Variants in MED15 observed in about 807,000 individuals in gnomAD.
MED15 encodes mediator of RNA polymerase II transcription subunit 15.
MED15 carries 41 observed loss-of-function variants against 118.7 expected under a neutral mutation model. The observed-to-expected ratio is 0.35, with a 90% CI of 0.27 to 0.45. MED15 has a LOEUF of 0.45. Among genes scored for constraint, MED15 ranks in the 20% least tolerant of loss-of-function variants. The probability of loss-of-function intolerance (pLI) is 1.00; values close to 1 mark genes in which losing one functional copy is unlikely to be tolerated. For missense variants in MED15, 740 were observed against 1,025.5 expected, an observed-to-expected ratio of 0.72 and a Z score of 3.80; for synonymous variants, 436 against 413.9, an observed-to-expected ratio of 1.05 and a Z score of -0.65.
intron 2 of MED15, among the ~76,000 whole-genome samples, chr22:20,546,430 T>G (rs1256914348): frequency 6.6e-6 from 1 of 152,106 alleles, no homozygotes; most frequent in Non-Finnish European, 1.5e-5. Flanking sequence ...CCTATTATCT[T>G]TCCGATGGTT....
chr22:20,513,897 T>G (rs536848127), intron 1 of MED15, among the ~76,000 whole-genome samples: 1 of 152,254 alleles, frequency 6.6e-6, no homozygotes, highest in Admixed American at 6.5e-5. Flanking sequence ...AGAATCTTGC[T>G]CTCTCCTCCA....
At chr22:20,511,432 C>T (rs1052903657) in intron 1 of MED15, among the ~76,000 whole-genome samples, 16 of 151,096 alleles carry the variant, frequency 1.1e-4, no homozygotes, top group African/African-American at 3.9e-4. Flanking sequence ...GTCGAGGCTG[C>T]AGTGAGCTAC....
intron 9 of MED15, among the ~76,000 whole-genome samples, chr22:20,575,581 C>T (rs1312793033): frequency 6.6e-6 from 1 of 151,918 alleles, no homozygotes; most frequent in Non-Finnish European, 1.5e-5. Context: ...TTTAAATTGA[C>T]TAAAATTAGG....
At chr22:20,537,066 G>A (rs555936126) in intron 1 of MED15, 51 bp from the exon 2 acceptor site, 1 of 1,553,382 alleles carries the variant, frequency 6.4e-7, no homozygotes, top group Non-Finnish European at 8.8e-7. Context: ...GGGCCCTGCA[G>A]CGGTGGAGTC....
intron 1 of MED15, chr22:20,523,965 G>C: frequency 2.3e-6 from 1 of 430,158 alleles, no homozygotes; most frequent in African/African-American, 2.2e-5. Context: ...GAAGTCTCCT[G>C]TATTGGTATG....
At chr22:20,572,587 G>T (rs1016637161) in intron 8 of MED15, among the ~76,000 whole-genome samples, 1 of 152,216 alleles carries the variant, frequency 6.6e-6, no homozygotes, top group Admixed American at 6.5e-5. Context: ...CCCACAAGGG[G>T]ATTTAGCAGG....
At chr22:20,576,966 G>A (rs1316421462) in intron 9 of MED15, among the ~76,000 whole-genome samples, 2 of 152,200 alleles carry the variant, frequency 1.3e-5, no homozygotes, top group African/African-American at 4.8e-5. Flanking sequence ...GCAGCATGTA[G>A]GACTGATTTT....
chr22:20,560,055 G>A (rs989756814), intron 5 of MED15, among the ~76,000 whole-genome samples: 16 of 152,260 alleles, frequency 1.1e-4, no homozygotes, highest in Middle Eastern at 3.4e-3. Context: ...CTGCTGGTGC[G>A]TAATGGGTGG....
chr22:20,508,288 T>C, intron 1 of MED15: 1 of 1,299,696 alleles, frequency 7.7e-7, no homozygotes, highest in South Asian at 1.2e-5. Flanking sequence ...AGGAAGCCGC[T>C]GTCAGGAAGC....
At chr22:20,574,806 G>C in intron 8 of MED15, 1 of 298,558 alleles carries the variant, frequency 3.3e-6, no homozygotes, top group Non-Finnish European at 6.5e-6. Flanking sequence ...ATAGGATTCT[G>C]ATCTGTTAGC....
intron 2 of MED15, 121 bp downstream of exon 2, chr22:20,537,325 T>A: frequency 7.8e-6 from 6 of 767,002 alleles, no homozygotes; most frequent in Non-Finnish European, 1.2e-5. Flanking sequence ...GCTCATCGAT[T>A]GATCACAGGC....
intron 5 of MED15, among the ~76,000 whole-genome samples, chr22:20,556,387 T>G (rs2056007535): frequency 6.6e-6 from 1 of 151,832 alleles, no homozygotes; most frequent in Non-Finnish European, 1.5e-5. Flanking sequence ...CTGCAACTTC[T>G]GCCTTCCGAG....
At chr22:20,547,568 TCAG>T (rs1341676985) in intron 2 of MED15, among the ~76,000 whole-genome samples, 2 of 151,992 alleles carry the variant, frequency 1.3e-5, no homozygotes, top group Non-Finnish European at 2.9e-5. Context: ...GCTTGTAATG[TCAG>T]CACTTTGGGA....
rs569374135 is a variant in MED15, at chr22:20,519,547, C to T, written c.68+11801C>T. 3.0e-4 allele frequency among the ~76,000 whole-genome samples: 45 copies of T among 152,124 alleles called. 1 individual carries two copies. Among genetic ancestry groups the T allele is most frequent in the South Asian group, 2.7e-3 (13 of 4,814 alleles). On this transcript the variant is annotated intron_variant, in intron 1 of 17. Coordinates refer to ENST00000263205, the MANE Select transcript of MED15 (RefSeq NM_001003891.3). ...TTGGCTCACTGCAACCTCCGCCTTC[C>T]GAGTTCAAGTGATTCTTGTGCCTCA...
intron 7 of MED15, among the ~76,000 whole-genome samples, chr22:20,568,026 ATATGGGG>A (rs2056506166): frequency 6.6e-6 from 1 of 152,148 alleles, no homozygotes. Context: ...TATTTTGTAG[ATATGGGG>A]TTTGGCCGTG....
chr22:20,535,595 T>C (rs2055036220), intron 1 of MED15, among the ~76,000 whole-genome samples: 1 of 151,708 alleles, frequency 6.6e-6, no homozygotes, highest in African/African-American at 2.4e-5. Context: ...AGTCTCGCAC[T>C]GTTGCCCAGG....
intron 1 of MED15, among the ~76,000 whole-genome samples, chr22:20,524,023 G>A (rs2054548384): frequency 6.6e-6 from 1 of 152,112 alleles, no homozygotes; most frequent in Admixed American, 6.5e-5. Flanking sequence ...TCCTACATGT[G>A]GGTGGAGAGT....
Position 20,568,561 on chromosome 22 carries a change from C to T in MED15, c.1082C>T (p.Pro361Leu). ...GTGGTGCAGCAGCCCCCAGTGCAGC[C>T]CCAGGTGCAGCAGCAGCAGACAGCA... ...PMVVQQPPVQ[P>L]QVQQQQTAVQ... Residue 361 changes from proline (P) to leucine (L), a missense_variant, in exon 8 of 18, where the codon CCC (proline) becomes CTC (leucine). By Grantham distance (98) the Pro-to-Leu change is moderately conservative. Around this residue, in one of 7 missense-constraint regions of MED15, gnomAD observed 384 missense variants for 506.3 expected, o/e 0.76. Coordinates refer to ENST00000263205, the MANE Select transcript of MED15 (RefSeq NM_001003891.3). 4 of 1,613,792 alleles carry T rather than the reference C, an allele frequency of 2.5e-6. No homozygotes were observed. The highest frequency in any genetic ancestry group is 3.4e-6 in the Non-Finnish European group (4 of 1,179,946).
chr22:20,577,429 G>A (rs1253841002), intron 9 of MED15, among the ~76,000 whole-genome samples: 2 of 107,636 alleles, frequency 1.9e-5, no homozygotes, highest in African/African-American at 3.5e-5. Flanking sequence ...CTTCCCACCA[G>A]TTCCCAAACC....
Sources: allele counts gnomAD v4.1 joint callset (sites outside exome capture counted in the v4.1 genomes callset), GRCh38; gene constraint gnomAD v4.1.1; regional missense constraint gnomAD v4.1.1; transcripts MANE v1.5; gene names NCBI Gene and HGNC (gene_info 2026-07-23, HGNC 2026-07-21).